The following ADAMTSL1 variants were observed in gnomAD, a reference collection of about 807,000 sequenced individuals.
ADAMTSL1 encodes ADAMTS like 1.
In ADAMTSL1, 126 loss-of-function variants were observed where a neutral mutation model predicts 201.8. That is an observed-to-expected ratio of 0.62 (90% CI 0.54 to 0.72). The LOEUF (loss-of-function observed/expected upper bound fraction) is 0.72. Among genes scored for constraint, ADAMTSL1 ranks in the 30% least tolerant of loss-of-function variants. ADAMTSL1 has a pLI of 0.00. For missense variants in ADAMTSL1, 2,679 were observed against 2,277.8 expected (o/e 1.18, Z -3.59); for synonymous variants, 1,121 against 903.4 (o/e 1.24, Z -4.32).
At chr9:18,265,087 A>G (rs754418779) in intron 2 of ADAMTSL1, among the ~76,000 whole-genome samples, 2 of 152,200 alleles carry the variant, frequency 1.3e-5, no homozygotes, top group African/African-American at 4.8e-5. Context: ...GTATTTTCTA[A>G]TAATGTTTTA....
intron 2 of ADAMTSL1, among the ~76,000 whole-genome samples, chr9:18,326,166 A>C (rs1280875209): frequency 6.6e-6 from 1 of 152,208 alleles, no homozygotes; most frequent in Non-Finnish European, 1.5e-5. Flanking sequence ...AAGTTTCAAC[A>C]TGAATTTTGA....
At chr9:18,459,865 C>G (rs1820744100) in intron 2 of ADAMTSL1, among the ~76,000 whole-genome samples, 2 of 152,006 alleles carry the variant, frequency 1.3e-5, no homozygotes, top group Non-Finnish European at 2.9e-5. Context: ...CATTACTAAT[C>G]AAAAATTGAC....
intron 2 of ADAMTSL1, among the ~76,000 whole-genome samples, chr9:18,322,126 T>C (rs937902914): frequency 3.9e-5 from 6 of 152,132 alleles, no homozygotes; most frequent in African/African-American, 1.4e-4. Flanking sequence ...GCAGCCAAAG[T>C]ATTGCTTAGA....
chr9:18,859,729 A>G (rs1827090338), intron 23 of ADAMTSL1, among the ~76,000 whole-genome samples: 2 of 152,232 alleles, frequency 1.3e-5, no homozygotes, highest in African/African-American at 2.4e-5. Flanking sequence ...TGTATGTACT[A>G]GGAAATTCAC....
At chr9:18,581,346 T>G (rs1199901057) in intron 4 of ADAMTSL1, among the ~76,000 whole-genome samples, 2 of 152,190 alleles carry the variant, frequency 1.3e-5, no homozygotes, top group South Asian at 2.1e-4. Flanking sequence ...TTCTATTTCC[T>G]AAAAAGGTCA....
At chr9:18,727,994 C>T (rs949818789) in intron 15 of ADAMTSL1, among the ~76,000 whole-genome samples, 2 of 151,912 alleles carry the variant, frequency 1.3e-5, no homozygotes, top group African/African-American at 2.4e-5. Flanking sequence ...GTAGGAGAGC[C>T]GCTTGAACCC....
At chr9:18,451,266 G>A (rs1820394372) in intron 2 of ADAMTSL1, among the ~76,000 whole-genome samples, 1 of 152,056 alleles carries the variant, frequency 6.6e-6, no homozygotes, top group East Asian at 1.9e-4. Flanking sequence ...TCAATGTAAA[G>A]GGCATACTAG....
chr9:18,847,911 A>T (rs10122166), intron 23 of ADAMTSL1, among the ~76,000 whole-genome samples: 1 of 152,182 alleles, frequency 6.6e-6, no homozygotes, highest in Non-Finnish European at 1.5e-5. Flanking sequence ...ACATTTATAA[A>T]CAGATGCAAT....
At chr9:18,562,992 A>G (rs1821627068) in intron 3 of ADAMTSL1, among the ~76,000 whole-genome samples, 1 of 152,094 alleles carries the variant, frequency 6.6e-6, no homozygotes, top group South Asian at 2.1e-4. Context: ...GTTTGTTATC[A>G]CCCACCTTCT....
At chr9:18,093,979 G>A (rs1362741459) in intron 1 of ADAMTSL1, among the ~76,000 whole-genome samples, 1 of 152,116 alleles carries the variant, frequency 6.6e-6, no homozygotes, top group East Asian at 1.9e-4. Flanking sequence ...GAAAGTAAGA[G>A]GCTCCCAGGC....
chr9:17,966,261 T>C (rs1588490573), intron 1 of ADAMTSL1, among the ~76,000 whole-genome samples: 1 of 152,172 alleles, frequency 6.6e-6, no homozygotes, highest in East Asian at 1.9e-4. Context: ...GTAAGTGCTA[T>C]GTCAGAGTGT....
intron 2 of ADAMTSL1, among the ~76,000 whole-genome samples, chr9:18,265,601 C>T (rs1025545194): frequency 1.3e-5 from 2 of 152,136 alleles, no homozygotes; most frequent in South Asian, 4.1e-4. Flanking sequence ...ACCCTGAGCA[C>T]AAAATGTTCA....
intron 1 of ADAMTSL1, among the ~76,000 whole-genome samples, chr9:17,971,765 C>A (rs367994241): frequency 2.6e-5 from 4 of 151,832 alleles, no homozygotes; most frequent in South Asian, 4.2e-4. Context: ...CCAAAAGATA[C>A]ATTTTTAACT....
chr9:18,010,238 G>A (rs1563947153), intron 1 of ADAMTSL1, among the ~76,000 whole-genome samples: 1 of 151,980 alleles, frequency 6.6e-6, no homozygotes, highest in Non-Finnish European at 1.5e-5. Flanking sequence ...TTAGAGATTA[G>A]CTCTGAGCCC....
intron 2 of ADAMTSL1, among the ~76,000 whole-genome samples, chr9:18,203,024 C>T (rs1435063299): frequency 2.0e-5 from 3 of 152,072 alleles, no homozygotes; most frequent in Non-Finnish European, 1.5e-5. Flanking sequence ...CTGGAACTCC[C>T]GAGGTCCCCA....
At position 18,574,022 on chromosome 9, in the gene ADAMTSL1, T is replaced by G; in HGVS notation, c.238-8T>G. The G allele has an allele frequency of 1.9e-6, 3 of 1,610,370 alleles. No homozygotes were observed. The highest frequency in any genetic ancestry group is 1.7e-4 in the Middle Eastern group (1 of 6,044). ...CCTTTGTATGTCCTTTCTCTCTTTTTTCTCCAGGACTGCCCACCAGAAGCA... is the reference window on the plus strand; with the variant it reads ...CCTTTGTATGTCCTTTCTCTCTTTTGTCTCCAGGACTGCCCACCAGAAGCA... On this transcript the variant is annotated splice_polypyrimidine_tract_variant and splice_region_variant and intron_variant, in intron 3 of 28. Transcript: ENST00000380548.
At chr9:18,349,230 G>A (rs563216070) in intron 2 of ADAMTSL1, among the ~76,000 whole-genome samples, 11 of 152,098 alleles carry the variant, frequency 7.2e-5, no homozygotes, top group African/African-American at 9.7e-5. Flanking sequence ...GATTGTTATC[G>A]CTCTCATATA....
chr9:18,610,816 C>G (rs1217702454), intron 4 of ADAMTSL1, among the ~76,000 whole-genome samples: 4 of 152,154 alleles, frequency 2.6e-5, no homozygotes, highest in African/African-American at 9.7e-5. Flanking sequence ...AGCCAGCACA[C>G]TATTGCTGTT....
intron 1 of ADAMTSL1, among the ~76,000 whole-genome samples, chr9:17,996,145 G>C: frequency 6.7e-6 from 1 of 149,656 alleles, no homozygotes; most frequent in African/African-American, 2.5e-5. Flanking sequence ...TAACTTACCA[G>C]TGTTCAAAGA....
Sources: allele counts gnomAD v4.1 joint callset (sites outside exome capture counted in the v4.1 genomes callset), GRCh38; gene constraint gnomAD v4.1.1; transcripts MANE v1.5; gene names NCBI Gene and HGNC (gene_info 2026-07-23, HGNC 2026-07-21).